The following RSRP1 variants were observed in gnomAD, a reference collection of about 807,000 sequenced individuals.
RSRP1 encodes arginine and serine rich protein 1, also known as arginine/serine-rich protein 1.
Under a neutral mutation model 33.0 loss-of-function variants are expected in RSRP1, and 37 were observed. The ratio of observed to expected loss-of-function variants is 1.12; its 90% confidence interval spans 0.86 to 1.48. The LOEUF (loss-of-function observed/expected upper bound fraction) is 1.48. RSRP1 is among the 40% of genes most tolerant of loss of function. The pLI, the probability that RSRP1 is intolerant of heterozygous loss-of-function variation, is 0.00. For missense variants in RSRP1, 402 were observed against 385.3 expected (o/e 1.04, Z -0.36); for synonymous variants, 167 against 158.7 (o/e 1.05, Z -0.40).
In RSRP1 at chr1:25,277,518, G is replaced by A. The variant is rs1466156794; in HGVS notation, c.-66-30489C>T. The stretch of plus-strand genomic sequence containing the variant: ...GTTCGAGAATTCCTGGAGCTAGACT[G>A]ATTCAAATCTTGCCTCTGTATCTTA... On this transcript the variant is annotated intron_variant, in intron 1 of 1. Transcript: ENST00000561867. 1.5e-5 allele frequency among the ~76,000 whole-genome samples: 2 copies of A among 132,766 alleles called. 1 individual carries two copies. Among genetic ancestry groups the A allele is most frequent in the Non-Finnish European group, 3.6e-5 (2 of 55,956 alleles). 87.1% of individuals were successfully genotyped at this position (132,766 alleles called of 152,430 possible).
chr1:25,306,217 G>C (rs1040443625), intron 1 of RSRP1, among the ~76,000 whole-genome samples: 1 of 131,620 alleles, frequency 7.6e-6, no homozygotes, highest in Admixed American at 7.4e-5. Context: ...CGTGGGGAGA[G>C]ACCAGGGATG....
At position 25,313,088 on chromosome 1, in the gene RSRP1, A is replaced by G. The variant is rs1644255843; in HGVS notation, c.-67+24890T>C. 7.0e-5 allele frequency among the ~76,000 whole-genome samples: 9 copies of G among 128,158 alleles called. 2 individuals carry two copies. Among genetic ancestry groups the G allele is most frequent in the Admixed American group, 6.9e-4 (9 of 13,018 alleles). 84.1% of individuals were successfully genotyped at this position (128,158 alleles called of 152,430 possible). On this transcript the variant is annotated intron_variant, in intron 1 of 1. Transcript: ENST00000561867. ...ACTTAATCTCCAAATTCATATGTTGATGAAATTGGAGGTGAAGCCTTTGGG... is the reference window on the plus strand; with the variant it reads ...ACTTAATCTCCAAATTCATATGTTGGTGAAATTGGAGGTGAAGCCTTTGGG...
chr1:25,257,119 C>G (rs72660908), intron 1 of RSRP1, among the ~76,000 whole-genome samples: 40,055 of 152,116 alleles, frequency 0.26, 6,972 homozygotes, highest in Non-Finnish European at 0.39. Context: ...TCATTTAATA[C>G]ACTTCAGTAT....
rs951428205 is a variant in RSRP1 at position 25,290,585 on chromosome 1, A to ATGAATGAG, written c.-66-43557_-66-43556insCTCATTCA. 4 of 1,172,858 alleles carry ATGAATGAG rather than the reference A, an allele frequency of 3.4e-6. No homozygotes were observed. The African/African-American group carries it at 6.0e-5, about 18-fold the overall frequency. 72.7% of individuals were successfully genotyped at this position (1,172,858 alleles called of 1,614,324 possible). ...AATGAATGAATGAATGAATGAATGAATGAGTGAGAGGCATCCTTCCTTCTC... is the reference window on the plus strand; with the variant it reads ...AATGAATGAATGAATGAATGAATGAATGAATGAGTGAGTGAGAGGCATCCTTCCTTCTC... On this transcript the variant is annotated intron_variant, in intron 1 of 1. Transcript: ENST00000561867.
At chr1:25,282,421 G>C (rs185471547) in intron 1 of RSRP1, among the ~76,000 whole-genome samples, 2 of 130,620 alleles carry the variant, frequency 1.5e-5, no homozygotes, top group East Asian at 3.9e-4. Flanking sequence ...TTTTAGTAGA[G>C]ACGGGGTTTC....
In RSRP1 at chr1:25,277,696, G is replaced by A. The variant is rs1641131593; in HGVS notation, c.-66-30667C>T. 1.6e-5 allele frequency among the ~76,000 whole-genome samples: 2 copies of A among 127,176 alleles called. 1 individual carries two copies. Among genetic ancestry groups the A allele is most frequent in the African/African-American group, 5.4e-5 (2 of 37,324 alleles). 83.4% of individuals were successfully genotyped at this position (127,176 alleles called of 152,430 possible). Reference sequence around the variant, plus strand: ...TTATTATCAAAAGCTTTTTTTTTGAGACAGAGTTTTGCTCTTATTGCCCAG... The same window carrying A: ...TTATTATCAAAAGCTTTTTTTTTGAAACAGAGTTTTGCTCTTATTGCCCAG... On this transcript the variant is annotated intron_variant, in intron 1 of 1. Coordinates refer to the RSRP1 transcript ENST00000561867.
At chr1:25,261,400 TTC>T (rs2124562716) in intron 1 of RSRP1, among the ~76,000 whole-genome samples, 1 of 151,362 alleles carries the variant, frequency 6.6e-6, no homozygotes, top group East Asian at 1.9e-4. Context: ...AAAATGTGAT[TTC>T]TTTCTTTTTT....
intron 1 of RSRP1, chr1:25,301,443 C>T: frequency 8.0e-7 from 1 of 1,243,066 alleles, no homozygotes; most frequent in Non-Finnish European, 1.2e-6. Flanking sequence ...CCCTAGGATT[C>T]TCATCCAAAA....
intron 1 of RSRP1, among the ~76,000 whole-genome samples, chr1:25,309,494 T>G (rs1303955339): frequency 7.6e-6 from 1 of 131,970 alleles, no homozygotes; most frequent in Non-Finnish European, 1.8e-5. Flanking sequence ...ATTTCCCTTC[T>G]ATTTCAAGCT....
intron 1 of RSRP1, among the ~76,000 whole-genome samples, chr1:25,262,271 C>T (rs1406641358): frequency 6.6e-6 from 1 of 152,150 alleles, no homozygotes; most frequent in Non-Finnish European, 1.5e-5. Context: ...ATCCAACCTG[C>T]TTGTAATTCA....
Position 25,242,491 on chromosome 1 carries a change from G to A in RSRP1, c.*98C>T. 1.4e-6 allele frequency: 1 copy of A among 692,890 alleles called. No homozygotes were observed. The highest frequency in any genetic ancestry group is 2.5e-6 in the Non-Finnish European group (1 of 400,298). The allele number at this position is 692,890 out of a possible 1,614,324, so 42.9% of individuals were successfully genotyped here. A position where few individuals can be genotyped will look rare whatever the true frequency, so the allele number is the denominator to read the frequency against. Reference sequence around the variant, plus strand: ...TTTGTGTTGGTTTTTAAATGCACAAGTACCCCTGAATGGCTCAAAGGGATG... The same window carrying A: ...TTTGTGTTGGTTTTTAAATGCACAAATACCCCTGAATGGCTCAAAGGGATG... On this transcript the variant is annotated 3_prime_UTR_variant, in exon 5 of 5. Transcript: ENST00000243189.
At chr1:25,309,618 T>C (rs1440578022) in intron 1 of RSRP1, among the ~76,000 whole-genome samples, 1 of 132,408 alleles carries the variant, frequency 7.6e-6, no homozygotes, top group Admixed American at 7.3e-5. Flanking sequence ...TTCATGAATG[T>C]TGTCCTCAAA....
At chr1:25,259,203 C>A (rs1640047930) in intron 1 of RSRP1, among the ~76,000 whole-genome samples, 2 of 152,084 alleles carry the variant, frequency 1.3e-5, no homozygotes, top group Admixed American at 1.3e-4. Flanking sequence ...AAGCGAATCT[C>A]CTGCCTCAGC....
At position 25,305,999 on chromosome 1, in the gene RSRP1, G is replaced by A. The variant is rs190711314; in HGVS notation, c.-67+31979C>T. On this transcript the variant is annotated intron_variant, in intron 1 of 1. Transcript: ENST00000561867. ...ACATCTGCTGGCTCACGGCTGTGTG[G>A]GAGGCTGAGTGATGGGGAGGAAGGA... 1.2e-3 allele frequency among the ~76,000 whole-genome samples: 161 copies of A among 132,086 alleles called. 27 individuals are homozygous for A. The highest frequency in any genetic ancestry group is 4.1e-3 in the African/African-American group (159 of 38,314). 86.7% of individuals were successfully genotyped at this position (132,086 alleles called of 152,430 possible). A position where few individuals can be genotyped will look rare whatever the true frequency, so the allele number is the denominator to read the frequency against.
At position 25,275,001 on chromosome 1, in the gene RSRP1, A is replaced by G. The variant is rs1189317694; in HGVS notation, c.-66-27972T>C. On this transcript the variant is annotated intron_variant, in intron 1 of 1. Transcript: ENST00000561867. The stretch of plus-strand genomic sequence containing the variant: ...AGAACAACAAAAAAACAAAGAGGAG[A>G]GCAGGGACTGGGTGTGGTGACTCAT... Among the ~76,000 whole-genome samples, 4 of 131,244 alleles carry G rather than the reference A, an allele frequency of 3.0e-5. No individual in the cohort carries two copies. The East Asian group carries it at 7.8e-4, about 26-fold the overall frequency. The allele number at this position is 131,244 out of a possible 152,430, so 86.1% of individuals were successfully genotyped here.
chr1:25,276,532 T>TAAAAAAAAAAAAAAAAAAAAAAA (rs557746335), intron 1 of RSRP1, among the ~76,000 whole-genome samples: 20 of 64,784 alleles, frequency 3.1e-4, no homozygotes, highest in African/African-American at 1.4e-3. Context: ...CCCCCATCTC[T>TAAAAAAAAAAAAAAAAAAAAAAA]AAAAAAAAAA....
chr1:25,260,960 T>C (rs1419417149), intron 1 of RSRP1, among the ~76,000 whole-genome samples: 26 of 151,568 alleles, frequency 1.7e-4, no homozygotes, highest in African/African-American at 5.6e-4. Flanking sequence ...CGCCATCATG[T>C]CTGGCTAATT....
chr1:25,246,942 T>C lies in RSRP1; in HGVS notation c.22A>G (p.Met8Val). The C allele has an allele frequency of 6.3e-7, 1 of 1,585,790 alleles. No homozygotes were observed. The highest frequency in any genetic ancestry group is 8.6e-7 in the Non-Finnish European group (1 of 1,162,660). ...TTCTCCTGCGGCGAGCCCGGCCACA[T>C]GTCGTTCACGTAGTTGGACATCTTC... MSNYVND[M>V]WPGSPQEKDS... The change falls in exon 2 of 5, where the codon ATG becomes GTG. Residue 8 changes from methionine to valine, a missense_variant. Met to Val is a conservative substitution (Grantham distance 21). Transcript: ENST00000243189.
At position 25,289,605 on chromosome 1, in the gene RSRP1, T is replaced by C. The variant is rs1473230513; in HGVS notation, c.-66-42576A>G. Among the ~76,000 whole-genome samples the C allele has an allele frequency of 2.4e-5, 3 of 126,706 alleles. 1 individual carries two copies. The highest frequency in any genetic ancestry group is 8.1e-5 in the African/African-American group (3 of 37,036). 83.1% of individuals were successfully genotyped at this position (126,706 alleles called of 152,430 possible). ...TGCTGTGGTTGTAGCATCATCATCA[T>C]TAACTCCCAGAGGGAGGAGGGAGTC... On this transcript the variant is annotated intron_variant, in intron 1 of 1. Coordinates refer to the RSRP1 transcript ENST00000561867.
Sources: allele counts gnomAD v4.1 joint callset (sites outside exome capture counted in the v4.1 genomes callset), GRCh38; gene constraint gnomAD v4.1.1; transcripts MANE v1.5; gene names NCBI Gene and HGNC (gene_info 2026-07-23, HGNC 2026-07-21).